The following NAV2 variants were observed in gnomAD, a reference collection of about 807,000 sequenced individuals.
The protein encoded by NAV2 is helicase, APC down-regulated 1.
NAV2 carries 54 observed loss-of-function variants against 223.2 expected under a neutral mutation model. That is an observed-to-expected ratio of 0.24 (90% CI 0.19 to 0.30). The LOEUF (loss-of-function observed/expected upper bound fraction) is 0.30. Ranked by LOEUF, NAV2 falls within the 10% of genes least tolerant of loss-of-function variation. The probability of loss-of-function intolerance (pLI) is 1.00; values close to 1 mark genes in which losing one functional copy is unlikely to be tolerated. For missense variants in NAV2, 2,806 were observed against 3,147.5 expected, an observed-to-expected ratio of 0.89 and a Z score of 2.60; for synonymous variants, 1,279 against 1,239.3, an observed-to-expected ratio of 1.03 and a Z score of -0.67.
intron 1 of NAV2, among the ~76,000 whole-genome samples, chr11:19,489,944 T>C (rs1449787426): frequency 1.3e-5 from 2 of 152,144 alleles, no homozygotes; most frequent in African/African-American, 4.8e-5. Context: ...CAGGCATACA[T>C]TGGAGATATC....
At chr11:19,671,460 T>C (rs997198447) in intron 1 of NAV2, among the ~76,000 whole-genome samples, 4 of 152,122 alleles carry the variant, frequency 2.6e-5, no homozygotes, top group African/African-American at 9.7e-5. Context: ...TCTCTCTGAG[T>C]GCTCCCTGCT....
At chr11:19,473,068 A>G (rs2702726) in intron 1 of NAV2, among the ~76,000 whole-genome samples, 1,767 of 152,282 alleles carry the variant, frequency 0.012, 37 homozygotes, top group African/African-American at 0.041. Flanking sequence ...CAGGTTCCAG[A>G]GTTCAGAGCT....
rs764786677 is a variant in NAV2, at chr11:20,045,457, T to G, written c.3689T>G (p.Leu1230Arg). Residue 1230 changes from leucine (L) to arginine (R), a missense_variant, in exon 14 of 38, where the codon CTG (leucine) becomes CGG (arginine). Transcript: ENST00000349880. ...SKSAGLPVPK[L>R]REPSKTALGS... is the part of the protein sequence containing the mutation. ...TCCGCAGGCCTGCCAGTGCCCAAAC[T>G]GAGGGAGCCTTCCAAAACAGCCCTA... The G allele has an allele frequency of 1.9e-6, 3 of 1,614,150 alleles. No individual in the cohort carries two copies. Among genetic ancestry groups the G allele is most frequent in the Non-Finnish European group, 2.5e-6 (3 of 1,180,022 alleles).
At chr11:19,437,549 C>T (rs1008098260) in intron 1 of NAV2, among the ~76,000 whole-genome samples, 3 of 152,016 alleles carry the variant, frequency 2.0e-5, no homozygotes, top group African/African-American at 4.8e-5. Flanking sequence ...ATACTGGGGA[C>T]AATAGTCTTT....
At chr11:19,743,666 G>A (rs115734148) in intron 1 of NAV2, among the ~76,000 whole-genome samples, 1 of 152,248 alleles carries the variant, frequency 6.6e-6, no homozygotes, top group Non-Finnish European at 1.5e-5. Flanking sequence ...GCTTAGCCTA[G>A]AGCTACCTCT....
chr11:19,629,285 A>C (rs923496160), intron 1 of NAV2, among the ~76,000 whole-genome samples: 1 of 152,064 alleles, frequency 6.6e-6, no homozygotes, highest in Non-Finnish European at 1.5e-5. Context: ...AGAGCCATTC[A>C]GTCCTCTCTT....
rs1476784203 is a variant in NAV2 at position 19,467,026 on chromosome 11, G to GAGAGAGAGAGAT, written c.75+116010_75+116011insTAGAGAGAGAGA. The stretch of plus-strand genomic sequence containing the variant: ...ACACACACACACACACACAGAGAGA[G>GAGAGAGAGAGAT]AGAGAGAGAGAGAGAGAGATAGATA... On this transcript the variant is annotated intron_variant, in intron 1 of 37. Coordinates refer to the NAV2 transcript ENST00000360655. 6.2e-5 allele frequency among the ~76,000 whole-genome samples: 7 copies of GAGAGAGAGAGAT among 112,524 alleles called. 1 individual carries two copies. Among genetic ancestry groups the GAGAGAGAGAGAT allele is most frequent in the African/African-American group, 2.1e-4 (7 of 32,800 alleles). 73.8% of individuals were successfully genotyped at this position (112,524 alleles called of 152,430 possible).
chr11:19,636,409 A>G (rs1590745431), intron 1 of NAV2, among the ~76,000 whole-genome samples: 1 of 152,178 alleles, frequency 6.6e-6, no homozygotes, highest in East Asian at 1.9e-4. Flanking sequence ...GAGACTGCAG[A>G]CTTACTTTAT....
chr11:19,406,059 A>G (rs1369893366), intron 1 of NAV2, among the ~76,000 whole-genome samples: 1 of 152,174 alleles, frequency 6.6e-6, no homozygotes. Flanking sequence ...AAATACCAAA[A>G]AAGAGCTATG....
At chr11:19,802,476 G>A (rs1313977254) in intron 1 of NAV2, among the ~76,000 whole-genome samples, 1 of 152,108 alleles carries the variant, frequency 6.6e-6, no homozygotes, top group South Asian at 2.1e-4. Context: ...CTGTGAACTG[G>A]CCTCTTGTTC....
rs146544551 is a variant in NAV2, at chr11:19,429,287, G to A, written c.75+78260G>A. ...GCATTTATTTACTGGGCACTTCTTG[G>A]CACGGCCAAGGGGGCCAGGACCAAG... On this transcript the variant is annotated intron_variant, in intron 1 of 37. Coordinates refer to the NAV2 transcript ENST00000360655. 4.5e-3 allele frequency among the ~76,000 whole-genome samples: 679 copies of A among 152,280 alleles called. 5 individuals carry two copies. Among genetic ancestry groups the A allele is most frequent in the African/African-American group, 0.015 (625 of 41,554 alleles).
At chr11:20,090,595 GA>G in intron 26 of NAV2, among the ~76,000 whole-genome samples, 1 of 152,030 alleles carries the variant, frequency 6.6e-6, no homozygotes, top group Admixed American at 6.6e-5. Context: ...ACAACAAATA[GA>G]AAAGTAACAA....
chr11:19,898,909 T>C (rs774855697), intron 6 of NAV2, among the ~76,000 whole-genome samples: 6 of 152,228 alleles, frequency 3.9e-5, no homozygotes, highest in African/African-American at 1.4e-4. Context: ...TGATAAAAAC[T>C]GGACTTGTTT....
chr11:19,897,903 T>TATATACAC (rs927166131), intron 6 of NAV2, among the ~76,000 whole-genome samples: 1 of 147,524 alleles, frequency 6.8e-6, no homozygotes, highest in African/African-American at 2.6e-5. Context: ...TATATATATA[T>TATATACAC]ATGTGAGCAG....
chr11:19,836,876 T>C (rs2152924859), intron 2 of NAV2, among the ~76,000 whole-genome samples: 1 of 152,322 alleles, frequency 6.6e-6, no homozygotes, highest in Non-Finnish European at 1.5e-5. Flanking sequence ...CAGACAGCCA[T>C]CTTTTCACCG....
At chr11:19,496,256 C>G (rs978611662) in intron 1 of NAV2, among the ~76,000 whole-genome samples, 4 of 152,192 alleles carry the variant, frequency 2.6e-5, no homozygotes, top group African/African-American at 9.7e-5. Context: ...ACCCTCAAAA[C>G]TTCATGGCTT....
chr11:19,575,053 G>A (rs2045534754), intron 1 of NAV2, among the ~76,000 whole-genome samples: 1 of 152,214 alleles, frequency 6.6e-6, no homozygotes, highest in African/African-American at 2.4e-5. Context: ...TTCCAGCCCA[G>A]GCAAAGCAAT....
chr11:19,675,999 G>T (rs995775323), intron 1 of NAV2, among the ~76,000 whole-genome samples: 4 of 152,174 alleles, frequency 2.6e-5, no homozygotes, highest in Admixed American at 2.0e-4. Flanking sequence ...GGAGGCTCTG[G>T]CTGGGAGTGA....
intron 37 of NAV2, 95 bp from the exon 38 acceptor site, chr11:20,118,038 G>T: frequency 7.0e-7 from 1 of 1,432,520 alleles, no homozygotes; most frequent in Non-Finnish European, 9.5e-7. Flanking sequence ...TGTTATCCCA[G>T]GTGAGTCTGG....
Sources: gnomAD v4.1 joint callset for allele counts (sites outside exome capture counted in the v4.1 genomes callset) on GRCh38, gnomAD v4.1.1 for gene constraint, MANE v1.5 for transcripts, NCBI Gene and HGNC (gene_info 2026-07-23, HGNC 2026-07-21) for gene names.